SLC38A4: variants seen among roughly 807,000 people sequenced by gnomAD.
SLC38A4 encodes sodium-coupled neutral amino acid transporter 4.
SLC38A4 carries 20 observed loss-of-function variants against 63.1 expected under a neutral mutation model. The ratio of observed to expected loss-of-function variants is 0.32; its 90% CI spans 0.22 to 0.46. The LOEUF (loss-of-function observed/expected upper bound fraction) is 0.46, where lower values mean the gene tolerates loss of function less well. Ranked by LOEUF, SLC38A4 falls within the 20% of genes least tolerant of loss-of-function variation. The pLI is 1.00. For missense variants in SLC38A4, 526 were observed against 663.6 expected (o/e 0.79, Z 2.28); for synonymous variants, 230 against 225.5 (o/e 1.02, Z -0.18).
rs904094219 is a variant in SLC38A4 at position 46,766,581 on chromosome 12, C to T, written c.*120G>A. 4.0e-5 allele frequency: 31 copies of T among 783,146 alleles called. No homozygotes were observed. The highest frequency in any genetic ancestry group is 5.3e-5 in the Non-Finnish European group (24 of 454,924). The allele number at this position is 783,146 out of a possible 1,614,324, so 48.5% of individuals were successfully genotyped here. A position where few individuals can be genotyped will look rare whatever the true frequency, so the allele number is the denominator to read the frequency against. On this transcript the variant is annotated 3_prime_UTR_variant, in exon 17 of 17. Coordinates refer to ENST00000266579, the MANE Select transcript of SLC38A4 (RefSeq NM_018018.5). ...GGTGCCTGGTGATATTACTGGTAAA[C>T]GTCTTTGGAATCTTCCTGTTATTTC...
At chr12:46,791,182 T>C (rs1938880639) in intron 3 of SLC38A4, among the ~76,000 whole-genome samples, 1 of 152,190 alleles carries the variant, frequency 6.6e-6, no homozygotes, top group Non-Finnish European at 1.5e-5. Context: ...TTACTGAGGG[T>C]AATGCAGTGA....
intron 15 of SLC38A4, 129 bp downstream of exon 15, chr12:46,769,155 T>G (rs2216433): frequency 1 from 1,004,669 of 1,006,284 alleles, 501,542 homozygotes; most frequent in East Asian, 1. Context: ...CCAGAGCCTC[T>G]CAGGGATAAA....
At chr12:46,792,808 C>T in intron 3 of SLC38A4, 145 bp downstream of exon 3, 1 of 664,462 alleles carries the variant, frequency 1.5e-6, no homozygotes, top group Non-Finnish European at 2.7e-6. Flanking sequence ...TATTTCAGGA[C>T]CAGGGAATTG....
chr12:46,776,383 C>T (rs1307474414), intron 13 of SLC38A4, among the ~76,000 whole-genome samples: 1 of 151,972 alleles, frequency 6.6e-6, no homozygotes, highest in Non-Finnish European at 1.5e-5. Context: ...CTGTCATGTC[C>T]TCTTTCTTAG....
chr12:46,828,672 T>C (rs1282950275), upstream of SLC38A4, among the ~76,000 whole-genome samples: 2 of 152,224 alleles, frequency 1.3e-5, no homozygotes, highest in Non-Finnish European at 2.9e-5. Flanking sequence ...CCTTATCTAT[T>C]CTTTCCTCCA....
chr12:46,827,561 C>T (rs911446672), upstream of SLC38A4, among the ~76,000 whole-genome samples: 16 of 152,080 alleles, frequency 1.1e-4, no homozygotes, highest in African/African-American at 3.6e-4. Context: ...CCTACATCAC[C>T]TTTTAAAAAT....
chr12:46,811,823 C>G (rs187263926), intron 1 of SLC38A4, among the ~76,000 whole-genome samples: 1 of 151,902 alleles, frequency 6.6e-6, no homozygotes, highest in Admixed American at 6.6e-5. Flanking sequence ...AGGCTAAGAA[C>G]AGAAAAGCTT....
At chr12:46,771,672 A>G (rs1329421291) in intron 14 of SLC38A4, among the ~76,000 whole-genome samples, 1 of 152,076 alleles carries the variant, frequency 6.6e-6, no homozygotes, top group African/African-American at 2.4e-5. Context: ...GCAAAGAGGG[A>G]GGGAGGTACT....
chr12:46,808,036 T>C (rs1367647702), intron 1 of SLC38A4, among the ~76,000 whole-genome samples: 4 of 152,032 alleles, frequency 2.6e-5, no homozygotes, highest in African/African-American at 7.2e-5. Flanking sequence ...TATACATATA[T>C]ATCTTTGCAT....
chr12:46,804,243 C>G (rs1939186455), intron 1 of SLC38A4, among the ~76,000 whole-genome samples: 1 of 151,912 alleles, frequency 6.6e-6, no homozygotes, highest in Non-Finnish European at 1.5e-5. Flanking sequence ...GCCACCACTC[C>G]TACACCAACG....
chr12:46,777,082 A>G (rs1938544360), intron 12 of SLC38A4, 78 bp from the exon 13 acceptor site: 2 of 1,145,706 alleles, frequency 1.7e-6, no homozygotes, highest in Admixed American at 4.3e-5. Context: ...AAATAATAAT[A>G]AAAAAGTATA....
At chr12:46,784,172 T>G (rs1938709908) in intron 7 of SLC38A4, among the ~76,000 whole-genome samples, 2 of 152,182 alleles carry the variant, frequency 1.3e-5, no homozygotes, top group South Asian at 4.1e-4. Context: ...TTCAGTTTAG[T>G]AAATCGAACT....
chr12:46,791,799 G>A (rs1284555480), intron 3 of SLC38A4, among the ~76,000 whole-genome samples: 1 of 152,100 alleles, frequency 6.6e-6, no homozygotes, highest in East Asian at 1.9e-4. Context: ...ACATGGGGGA[G>A]TAGAGTAATT....
intron 6 of SLC38A4, 128 bp downstream of exon 6, chr12:46,784,976 G>T: frequency 1.2e-6 from 1 of 851,390 alleles, no homozygotes; most frequent in Non-Finnish European, 1.9e-6. Flanking sequence ...GAGAGATCGT[G>T]TCACTGGGCT....
intron 5 of SLC38A4, among the ~76,000 whole-genome samples, chr12:46,786,916 C>G (rs187866257): frequency 6.6e-6 from 1 of 152,186 alleles, no homozygotes; most frequent in Non-Finnish European, 1.5e-5. Context: ...AACTCTCTAG[C>G]GTTGCATTTG....
chr12:46,815,595 T>C (rs2120904911), intron 1 of SLC38A4, among the ~76,000 whole-genome samples: 2 of 151,926 alleles, frequency 1.3e-5, no homozygotes, highest in South Asian at 4.1e-4. Context: ...CTGTATATTT[T>C]TAAATCAGTG....
At chr12:46,782,381 T>A (rs372232728) in intron 7 of SLC38A4, among the ~76,000 whole-genome samples, 1 of 151,918 alleles carries the variant, frequency 6.6e-6, no homozygotes, top group African/African-American at 2.4e-5. Flanking sequence ...ACCTCAAAAA[T>A]CATTAAAAAG....
chr12:46,805,053 C>T (rs2465604), intron 1 of SLC38A4, among the ~76,000 whole-genome samples: 109,966 of 151,796 alleles, frequency 0.72, 40,644 homozygotes, highest in Non-Finnish European at 0.8. Context: ...GTGGGTCAAT[C>T]AAACAAGAAT....
intron 1 of SLC38A4, 143 bp from the exon 2 acceptor site, chr12:46,803,937 G>T (rs1001059271): frequency 2.6e-5 from 4 of 152,018 alleles, no homozygotes; most frequent in African/African-American, 9.7e-5. Flanking sequence ...CTTGGTTGGT[G>T]TCATTCTCTA....
Sources: gnomAD v4.1 joint callset for allele counts (sites outside exome capture counted in the v4.1 genomes callset) on GRCh38, gnomAD v4.1.1 for gene constraint, MANE v1.5 for transcripts, NCBI Gene and HGNC (gene_info 2026-07-23, HGNC 2026-07-21) for gene names.